UACA: variants seen among roughly 807,000 people sequenced by gnomAD.
UACA encodes uveal autoantigen with coiled-coil domains and ankyrin repeats.
Under a neutral mutation model 160.5 loss-of-function variants are expected in UACA, and 112 were observed. The observed-to-expected ratio is 0.70, with a 90% CI of 0.60 to 0.82. The LOEUF (loss-of-function observed/expected upper bound fraction) is 0.82. Ranked by LOEUF, UACA falls within the 40% of genes least tolerant of loss-of-function variation. UACA has a pLI of 0.00. For missense variants in UACA, 1,574 were observed against 1,614.6 expected (o/e 0.97, Z 0.43); for synonymous variants, 557 against 568.4 (o/e 0.98, Z 0.29).
At chr15:70,752,590 A>C (rs902102521) in intron 1 of UACA, among the ~76,000 whole-genome samples, 14 of 151,854 alleles carry the variant, frequency 9.2e-5, no homozygotes, top group African/African-American at 3.4e-4. Flanking sequence ...CTCTCTAGTA[A>C]AGAGAAAATG....
At chr15:70,701,783 C>G (rs1186932279) in intron 1 of UACA, 1 of 1,235,736 alleles carries the variant, frequency 8.1e-7, no homozygotes, top group African/African-American at 1.5e-5. Flanking sequence ...ATAAAGCAAA[C>G]CAAATTAATA....
At chr15:70,700,597 T>C (rs974787721) in intron 1 of UACA, among the ~76,000 whole-genome samples, 1 of 151,984 alleles carries the variant, frequency 6.6e-6, no homozygotes, top group Non-Finnish European at 1.5e-5. Flanking sequence ...GGATGTCTCA[T>C]ATAACATACA....
chr15:70,701,913 C>T (rs961432796), intron 1 of UACA: 3 of 1,613,392 alleles, frequency 1.9e-6, no homozygotes, highest in Non-Finnish European at 1.7e-6. Flanking sequence ...AACAGTTCAT[C>T]ATAGACAGGA....
chr15:70,776,111 CTG>C, the UACA span, among the ~76,000 whole-genome samples: 1 of 152,156 alleles, frequency 6.6e-6, no homozygotes, highest in Admixed American at 6.5e-5. Context: ...TATATGAACA[CTG>C]CATTCTTTTG....
chr15:70,762,371 CTG>C (rs767477393), intron 1 of UACA, among the ~76,000 whole-genome samples: 3 of 152,226 alleles, frequency 2.0e-5, no homozygotes, highest in East Asian at 1.9e-4. Context: ...AACTAGGTAA[CTG>C]TGCAGTTGGA....
intron 2 of UACA, among the ~76,000 whole-genome samples, chr15:70,695,483 C>T (rs1381268471): frequency 6.6e-6 from 1 of 152,164 alleles, no homozygotes; most frequent in Non-Finnish European, 1.5e-5. Flanking sequence ...CAAATAGTTT[C>T]ATTATTTTAT....
At chr15:70,684,520 G>A in intron 7 of UACA, 74 bp from the exon 8 acceptor site, 11 of 1,438,022 alleles carry the variant, frequency 7.6e-6, no homozygotes, top group Non-Finnish European at 1.0e-5. Context: ...CTGCCCTATT[G>A]TTGAACACTG....
intron 17 of UACA, among the ~76,000 whole-genome samples, chr15:70,663,896 C>A (rs889047637): frequency 1.3e-5 from 2 of 151,050 alleles, no homozygotes; most frequent in Non-Finnish European, 3.0e-5. Context: ...GGAGGGATAG[C>A]ATTAGGTGAT....
At chr15:70,659,024 T>A (rs1896582549) in intron 18 of UACA, among the ~76,000 whole-genome samples, 1 of 152,168 alleles carries the variant, frequency 6.6e-6, no homozygotes, top group African/African-American at 2.4e-5. Context: ...AGCAACCTCT[T>A]CCTCTCATGG....
the UACA span, among the ~76,000 whole-genome samples, chr15:70,772,759 G>A: frequency 1.3e-5 from 2 of 152,032 alleles, no homozygotes; most frequent in Non-Finnish European, 2.9e-5. Context: ...GAAGAAGAGG[G>A]CCAAGGGCCT....
At chr15:70,697,607 T>C (rs1898175439) in intron 2 of UACA, among the ~76,000 whole-genome samples, 1 of 152,268 alleles carries the variant, frequency 6.6e-6, no homozygotes, top group African/African-American at 2.4e-5. Flanking sequence ...AAAACAATCA[T>C]TTGAAACAAA....
At position 70,668,138 on chromosome 15, in the gene UACA, G is replaced by A. The variant is rs780849532; in HGVS notation, c.2546C>T (p.Thr849Ile). The change falls in exon 16 of 19, where the codon ACT (threonine) becomes ATT (isoleucine). Residue 849 changes from threonine (T) to isoleucine (I), a missense_variant. Thr to Ile is a moderately conservative substitution (Grantham distance 89). Coordinates refer to ENST00000322954, the MANE Select transcript of UACA (RefSeq NM_018003.4). ...ATTACTCATCATCTTCTTCAAGTTA[G>A]TGTTTTCAGATGTGAGAGCGTGTAT... The part of the protein sequence containing the change: ...EKIHALTSEN[T>I]NLKKMMSNQY... 2 of 1,613,528 alleles carry A rather than the reference G, an allele frequency of 1.2e-6. No homozygotes were observed. Among genetic ancestry groups the A allele is most frequent in the African/African-American group, 1.3e-5 (1 of 75,000 alleles).
rs66634505 is a variant in UACA, at chr15:70,700,236, A to ACC, written c.79-578_79-577dup. ...AATTCTACATACATTTTAAGAAACT[A>ACC]CCCCCCCCCAACACAGACATTTATT... is the stretch of plus-strand genomic sequence containing the variant. On this transcript the variant is annotated intron_variant, in intron 1 of 18. Coordinates refer to ENST00000322954, the MANE Select transcript of UACA (RefSeq NM_018003.4). 4.0e-3 allele frequency among the ~76,000 whole-genome samples: 562 copies of ACC among 141,036 alleles called. 5 individuals are homozygous for ACC. Among genetic ancestry groups the ACC allele is most frequent in the African/African-American group, 0.014 (522 of 36,936 alleles). The allele number at this position is 141,036 out of a possible 152,430, so 92.5% of individuals were successfully genotyped here.
In UACA at chr15:70,695,100, T is replaced by C. The variant is rs749452750; in HGVS notation, c.218A>G (p.His73Arg). The C allele has an allele frequency of 6.3e-7, 1 of 1,596,706 alleles. No individual in the cohort carries two copies. Among genetic ancestry groups the C allele is most frequent in the South Asian group, 1.1e-5 (1 of 87,858 alleles). ...KLDVEGRSVF[H>R]VVTSKGNLEC... ...AAGATTCCCCTTTGAGGTCACAACA[T>C]GGAAGCTAAACAAAAAAAAAATATT... is the stretch of plus-strand genomic sequence containing the variant. The change falls in exon 3 of 19, where the codon CAT becomes CGT. Residue 73 changes from histidine (H) to arginine (R), a missense_variant. By Grantham distance (29) the His-to-Arg change is conservative. Transcript: ENST00000322954.
upstream of UACA, among the ~76,000 whole-genome samples, chr15:70,765,012 C>T (rs2030969272): frequency 6.6e-6 from 1 of 152,180 alleles, no homozygotes; most frequent in African/African-American, 2.4e-5. Flanking sequence ...CAAAAATACT[C>T]CTCTTGCTCA....
chr15:70,770,127 C>G, the UACA span, among the ~76,000 whole-genome samples: 2 of 152,208 alleles, frequency 1.3e-5, no homozygotes, highest in African/African-American at 4.8e-5. Flanking sequence ...GAACCATTCC[C>G]TTCCCTTTCT....
Position 70,673,092 on chromosome 15 carries a change from G to A in UACA, c.1132-1091C>T, listed in dbSNP as rs184943302. Among the ~76,000 whole-genome samples the A allele has an allele frequency of 3.4e-4, 51 of 151,908 alleles. 1 individual carries two copies. The East Asian group carries it at 8.1e-3, about 24-fold the overall frequency. ...GCCTGGGCAACAAGAGTGAAACTTC[G>A]TCTCAAAAATAAATAAATAAATAAC... is the stretch of plus-strand genomic sequence containing the variant. On this transcript the variant is annotated intron_variant, in intron 13 of 18. Coordinates refer to ENST00000322954, the MANE Select transcript of UACA (RefSeq NM_018003.4).
At chr15:70,705,849 G>C (rs1204118750) in intron 1 of UACA, among the ~76,000 whole-genome samples, 1 of 152,126 alleles carries the variant, frequency 6.6e-6, no homozygotes, top group Non-Finnish European at 1.5e-5. Flanking sequence ...GAGAAAATAT[G>C]ACTACTGACT....
At chr15:70,726,380 T>C (rs537992093) in intron 1 of UACA, among the ~76,000 whole-genome samples, 1 of 152,196 alleles carries the variant, frequency 6.6e-6, no homozygotes, top group South Asian at 2.1e-4. Flanking sequence ...ATGGAGGAAA[T>C]TGTTTAAAAA....
Sources: allele counts gnomAD v4.1 joint callset (sites outside exome capture counted in the v4.1 genomes callset), GRCh38; gene constraint gnomAD v4.1.1; transcripts MANE v1.5; gene names NCBI Gene and HGNC (gene_info 2026-07-23, HGNC 2026-07-21).